Variants in CSMD1 observed in about 807,000 individuals in gnomAD.
CSMD1 encodes CUB and Sushi multiple domains 1.
Under a neutral mutation model 417.5 loss-of-function variants are expected in CSMD1, and 213 were observed. The ratio of observed to expected loss-of-function variants is 0.51; its 90% CI spans 0.46 to 0.57. The LOEUF (loss-of-function observed/expected upper bound fraction) is 0.57. Among genes scored for constraint, CSMD1 ranks in the 20% least tolerant of loss-of-function variants. The pLI, the probability that CSMD1 is intolerant of heterozygous loss-of-function variation, is 0.00. For missense variants in CSMD1, 6,923 were observed against 4,529.7 expected, an observed-to-expected ratio of 1.53 and a Z score of -15.17; for synonymous variants, 2,862 against 1,736.8, an observed-to-expected ratio of 1.65 and a Z score of -16.11.
intron 5 of CSMD1, among the ~76,000 whole-genome samples, chr8:3,801,429 C>T (rs1800455105): frequency 6.6e-6 from 1 of 152,024 alleles, no homozygotes; most frequent in Admixed American, 6.6e-5. Context: ...AATGAGATAC[C>T]ATTTCATACC....
At chr8:4,028,488 C>G (rs540858105) in intron 4 of CSMD1, among the ~76,000 whole-genome samples, 5 of 151,732 alleles carry the variant, frequency 3.3e-5, no homozygotes, top group South Asian at 2.1e-4. Flanking sequence ...TCATAAGACT[C>G]TAACATTTTA....
intron 8 of CSMD1, 58 bp from the exon 9 acceptor site, chr8:3,586,318 GA>G (rs34200940): frequency 0.29 from 336,030 of 1,161,660 alleles, 11,567 homozygotes; most frequent in Non-Finnish European, 0.3. Context: ...ACTTCTTTAG[GA>G]AAAAAAAAAA....
intron 5 of CSMD1, among the ~76,000 whole-genome samples, chr8:3,802,003 C>G (rs922142759): frequency 6.6e-5 from 10 of 151,994 alleles, no homozygotes; most frequent in African/African-American, 1.7e-4. Flanking sequence ...ATTCTAAAAT[C>G]GGATTGTGAT....
At chr8:4,371,092 G>C (rs73175782) in intron 3 of CSMD1, among the ~76,000 whole-genome samples, 3,055 of 152,254 alleles carry the variant, frequency 0.02, 47 homozygotes, top group Admixed American at 0.026. Flanking sequence ...TTTAGATGGG[G>C]CATTTTGTTT....
At chr8:3,726,924 T>C (rs1287571897) in intron 6 of CSMD1, among the ~76,000 whole-genome samples, 2 of 152,230 alleles carry the variant, frequency 1.3e-5, no homozygotes, top group African/African-American at 4.8e-5. Flanking sequence ...CATACACAGA[T>C]AACCTAACAA....
intron 1 of CSMD1, among the ~76,000 whole-genome samples, chr8:4,777,874 C>A (rs757006590): frequency 7.9e-5 from 12 of 152,224 alleles, no homozygotes; most frequent in African/African-American, 2.9e-4. Flanking sequence ...TTCTGACACA[C>A]TGAAATAAAT....
intron 3 of CSMD1, among the ~76,000 whole-genome samples, chr8:4,331,103 G>A (rs763073179): frequency 2.0e-4 from 31 of 152,058 alleles, no homozygotes; most frequent in Non-Finnish European, 4.4e-4. Flanking sequence ...ACATATAATA[G>A]CAAAATGAAA....
chr8:4,948,853 G>T (rs538319750), intron 1 of CSMD1, among the ~76,000 whole-genome samples: 1 of 152,068 alleles, frequency 6.6e-6, no homozygotes, highest in African/African-American at 2.4e-5. Context: ...AAAGGTTATG[G>T]TGTGAATCTT....
intron 2 of CSMD1, among the ~76,000 whole-genome samples, chr8:4,537,345 G>T (rs983839175): frequency 3.3e-5 from 5 of 152,148 alleles, no homozygotes; most frequent in African/African-American, 1.2e-4. Context: ...TAAAATGAGA[G>T]ATTATTATAT....
At chr8:4,275,427 G>C (rs886572876) in intron 3 of CSMD1, among the ~76,000 whole-genome samples, 4 of 152,056 alleles carry the variant, frequency 2.6e-5, no homozygotes, top group East Asian at 1.9e-4. Context: ...ACATTGATTT[G>C]TGTGCATGAT....
chr8:3,863,670 C>T (rs1211269899), intron 5 of CSMD1, among the ~76,000 whole-genome samples: 3 of 152,292 alleles, frequency 2.0e-5, no homozygotes, highest in South Asian at 4.1e-4. Flanking sequence ...CACACACACA[C>T]ATTTCTCATA....
Position 3,519,893 on chromosome 8 carries a change from T to C in CSMD1, c.1345-26167A>G, listed in dbSNP as rs1797431111. On this transcript the variant is annotated intron_variant, in intron 10 of 69. Transcript: ENST00000635120. ...CAATTATTTTACTCAATTAATACAT[T>C]TATAGTGGTTTTCTACAGTAGTTTA... Among the ~76,000 whole-genome samples the C allele has an allele frequency of 2.0e-5, 3 of 152,138 alleles. No individual in the cohort carries two copies. In the East Asian group the frequency reaches 5.8e-4, roughly 29 times the overall value.
intron 26 of CSMD1, among the ~76,000 whole-genome samples, chr8:3,274,795 A>G (rs1802146863): frequency 6.6e-6 from 1 of 151,954 alleles, no homozygotes; most frequent in Admixed American, 6.6e-5. Flanking sequence ...ATCTTCCTCC[A>G]TCCTTTCATT....
intron 2 of CSMD1, among the ~76,000 whole-genome samples, chr8:4,636,840 G>A (rs1234027366): frequency 6.6e-6 from 1 of 152,070 alleles, no homozygotes; most frequent in Non-Finnish European, 1.5e-5. Context: ...CATTGAGTGG[G>A]GACTTGGAGA....
chr8:4,055,436 T>C (rs1168657809), intron 3 of CSMD1, among the ~76,000 whole-genome samples: 2 of 151,836 alleles, frequency 1.3e-5, no homozygotes, highest in African/African-American at 2.4e-5. Flanking sequence ...CAAAATCAGA[T>C]CAGCATTTTG....
At chr8:3,570,450 T>A (rs757408712) in intron 10 of CSMD1, among the ~76,000 whole-genome samples, 8 of 152,196 alleles carry the variant, frequency 5.3e-5, no homozygotes, top group Non-Finnish European at 1.2e-4. Flanking sequence ...ATGTCTTCCA[T>A]CTCTAGCCAA....
chr8:3,747,416 A>G (rs969799826), intron 6 of CSMD1, among the ~76,000 whole-genome samples: 1 of 150,538 alleles, frequency 6.6e-6, no homozygotes, highest in Non-Finnish European at 1.5e-5. Flanking sequence ...TAGACACAGT[A>G]TTTTTTTTTT....
At chr8:3,722,045 A>C (rs568957041) in intron 6 of CSMD1, among the ~76,000 whole-genome samples, 1 of 152,302 alleles carries the variant, frequency 6.6e-6, no homozygotes, top group Non-Finnish European at 1.5e-5. Flanking sequence ...GAGATGTGTC[A>C]GAAGCATAAG....
chr8:3,990,264 A>G (rs563262025), intron 5 of CSMD1, among the ~76,000 whole-genome samples: 1 of 152,314 alleles, frequency 6.6e-6, no homozygotes, highest in South Asian at 2.1e-4. Context: ...TTCTTTTTTC[A>G]TTGCCTACAG....
Sources: gnomAD v4.1 joint callset for allele counts (sites outside exome capture counted in the v4.1 genomes callset) on GRCh38, gnomAD v4.1.1 for gene constraint, MANE v1.5 for transcripts, NCBI Gene and HGNC (gene_info 2026-07-23, HGNC 2026-07-21) for gene names.